Variants in MOSPD2 observed in about 807,000 individuals in gnomAD.
MOSPD2 encodes motile sperm domain containing 2.
Under a neutral mutation model 41.7 loss-of-function variants are expected in MOSPD2, and 5 were observed. The ratio of observed to expected loss-of-function variants is 0.12; its 90% CI spans 0.06 to 0.25. The LOEUF (loss-of-function observed/expected upper bound fraction) is 0.25, where lower values mean the gene tolerates loss of function less well. Ranked by LOEUF, MOSPD2 falls within the 10% of genes least tolerant of loss-of-function variation. The probability of loss-of-function intolerance (pLI) is 1.00; values close to 1 mark genes in which losing one functional copy is unlikely to be tolerated. For synonymous variants in MOSPD2, 115 were observed against 126.9 expected, an observed-to-expected ratio of 0.91 and a Z score of 0.63; for missense variants, 282 against 375.2, an observed-to-expected ratio of 0.75 and a Z score of 2.05.
chrX:14,916,449 G>A (rs1036394313), intron 13 of MOSPD2, 123 bp downstream of exon 13: 11 of 1,055,657 alleles, frequency 1.0e-5, no homozygotes, highest in African/African-American at 1.9e-5. Context: ...CAAGGCTCTG[G>A]GGATGCCCAG....
intron 7 of MOSPD2, among the ~76,000 whole-genome samples, chrX:14,906,859 G>A (rs1029910302): frequency 2.7e-5 from 3 of 110,900 alleles, no homozygotes; most frequent in African/African-American, 6.6e-5. Context: ...ACCCCATCTT[G>A]ACTAAAAATA....
intron 7 of MOSPD2, 114 bp from the exon 8 acceptor site, chrX:14,908,746 T>C: frequency 6.0e-6 from 4 of 666,784 alleles, no homozygotes. Context: ...TAAAGATAAA[T>C]ATTAACAGAT....
intron 4 of MOSPD2, among the ~76,000 whole-genome samples, chrX:14,896,209 C>G (rs1363665806): frequency 9.0e-6 from 1 of 110,505 alleles, no homozygotes; most frequent in East Asian, 2.8e-4. Context: ...ACAGTATTGA[C>G]CCCACACCAT....
At chrX:14,875,487 C>T (rs750464629) in intron 2 of MOSPD2, among the ~76,000 whole-genome samples, 3 of 111,978 alleles carry the variant, frequency 2.7e-5, no homozygotes, top group African/African-American at 6.5e-5. Flanking sequence ...CCAGGACAAA[C>T]GTGCACACTC....
rs1198808502 is a variant in MOSPD2 at position 14,920,885 on chromosome X, A to T, written c.*1076A>T. The T allele has an allele frequency of 2.7e-6, 2 of 752,151 alleles. No homozygotes were observed. 62.0% of individuals were successfully genotyped at this position (752,151 alleles called of 1,213,427 possible). A position where few individuals can be genotyped will look rare whatever the true frequency, so the allele number is the denominator to read the frequency against. On this transcript the variant is annotated 3_prime_UTR_variant, in exon 15 of 15. Coordinates refer to ENST00000380492, the MANE Select transcript of MOSPD2 (RefSeq NM_152581.4). ...TCTAGAAGGGTGAAAACAAAAAAAA[A>T]TAAAAAGAAACACAGACGCCCAGGT...
In MOSPD2 at chrX:14,919,902, C is replaced by A; in HGVS notation, c.*93C>A. On this transcript the variant is annotated 3_prime_UTR_variant, in exon 15 of 15. Transcript: ENST00000380492. ...CTCTACCAAGCTACTAAAAACATTG[C>A]ACATCTGTGCTTCCTAAAAGGAAAT... 1 of 1,114,878 alleles carries A rather than the reference C, an allele frequency of 9.0e-7. No individual in the cohort carries two copies. Among genetic ancestry groups the A allele is most frequent in the Admixed American group, 3.0e-5 (1 of 33,444 alleles). The allele number at this position is 1,114,878 out of a possible 1,213,427, so 91.9% of individuals were successfully genotyped here.
At chrX:14,883,875 A>C (rs1369315338) in intron 2 of MOSPD2, among the ~76,000 whole-genome samples, 1 of 112,145 alleles carries the variant, frequency 8.9e-6, no homozygotes, top group East Asian at 2.8e-4. Flanking sequence ...AAATCCTCAG[A>C]TTAAAGAACC....
chrX:14,885,895 T>C (rs2092540296), intron 2 of MOSPD2, among the ~76,000 whole-genome samples: 1 of 112,127 alleles, frequency 8.9e-6, no homozygotes, highest in Admixed American at 9.4e-5. Context: ...TAAAACAGTT[T>C]ATTAGTGAAG....
intron 12 of MOSPD2, 130 bp downstream of exon 12, chrX:14,915,894 C>T: frequency 1.6e-6 from 1 of 620,772 alleles, no homozygotes; most frequent in East Asian, 3.5e-5. Context: ...CGAGTCACCT[C>T]ACCTCGCTGT....
In MOSPD2 at chrX:14,881,235, CT is replaced by C. The variant is rs543022770; in HGVS notation, c.79+7489del. ...GTCTTGAAAATAGCTTTATTTTGTC[CT>C]TTTTTTTTTTTAATTAAGCAATTAG... is the stretch of plus-strand genomic sequence containing the variant. On this transcript the variant is annotated intron_variant, in intron 2 of 14. Transcript: ENST00000380492. 2.8e-3 allele frequency among the ~76,000 whole-genome samples: 274 copies of C among 98,338 alleles called. 3 individuals carry two copies. The highest frequency in any genetic ancestry group is 0.02 in the South Asian group (45 of 2,248). 85.4% of individuals were successfully genotyped at this position (98,338 alleles called of 115,157 possible).
At chrX:14,892,026 G>C (rs768198244) in intron 2 of MOSPD2, among the ~76,000 whole-genome samples, 1 of 112,101 alleles carries the variant, frequency 8.9e-6, no homozygotes, top group South Asian at 3.7e-4. Context: ...TATAGTTTTA[G>C]AGAGGGCTAT....
intron 9 of MOSPD2, 62 bp downstream of exon 9, chrX:14,911,475 T>A: frequency 1.2e-6 from 1 of 844,718 alleles, no homozygotes; most frequent in Non-Finnish European, 1.6e-6. Context: ...ATTCTGACAC[T>A]AGCCAGCTGT....
chrX:14,912,984 A>G (rs1057471261), intron 10 of MOSPD2, among the ~76,000 whole-genome samples: 2 of 111,819 alleles, frequency 1.8e-5, no homozygotes, highest in African/African-American at 6.5e-5. Context: ...GCTATGTTTT[A>G]TGTATATCTC....
At chrX:14,879,877 G>A (rs757580039) in intron 2 of MOSPD2, among the ~76,000 whole-genome samples, 5 of 110,668 alleles carry the variant, frequency 4.5e-5, no homozygotes, top group African/African-American at 6.6e-5. Flanking sequence ...AGATCTCATT[G>A]TGGTTTTAAT....
At chrX:14,905,597 G>A (rs1482985991) in intron 7 of MOSPD2, among the ~76,000 whole-genome samples, 1 of 110,579 alleles carries the variant, frequency 9.0e-6, no homozygotes, top group African/African-American at 3.3e-5. Flanking sequence ...AGGTTCAAAC[G>A]ATTCTCCTGC....
intron 2 of MOSPD2, among the ~76,000 whole-genome samples, chrX:14,886,060 T>C (rs764913844): frequency 9.0e-6 from 1 of 111,086 alleles, no homozygotes; most frequent in Non-Finnish European, 1.9e-5. Flanking sequence ...TCATGGAGCT[T>C]ATTAGAGGAG....
intron 8 of MOSPD2, among the ~76,000 whole-genome samples, chrX:14,909,261 T>C (rs2147499877): frequency 8.9e-6 from 1 of 111,806 alleles, no homozygotes; most frequent in African/African-American, 3.2e-5. Flanking sequence ...CTACTTCTGT[T>C]TCCAACCACC....
intron 5 of MOSPD2, among the ~76,000 whole-genome samples, chrX:14,899,634 C>A (rs760068554): frequency 2.0e-5 from 2 of 98,014 alleles, no homozygotes; most frequent in South Asian, 4.6e-4. Context: ...ATACCCATAA[C>A]AAATACTTAA....
At chrX:14,875,599 A>G (rs1179000058) in intron 2 of MOSPD2, among the ~76,000 whole-genome samples, 1 of 111,977 alleles carries the variant, frequency 8.9e-6, no homozygotes, top group Non-Finnish European at 1.9e-5. Context: ...GAAATTACCC[A>G]CAAACTTAAC....
Sources: allele counts gnomAD v4.1 joint callset (sites outside exome capture counted in the v4.1 genomes callset), GRCh38; gene constraint gnomAD v4.1.1; transcripts MANE v1.5; gene names NCBI Gene and HGNC (gene_info 2026-07-23, HGNC 2026-07-21).